The following ARHGAP24 variants were observed in gnomAD, a reference collection of about 807,000 sequenced individuals.
ARHGAP24 encodes the protein Rho GTPase activating protein 24, also known as rho GTPase-activating protein 24.
ARHGAP24 carries 50 observed loss-of-function variants against 76.4 expected under a neutral mutation model. The observed-to-expected ratio is 0.65, with a 90% CI of 0.52 to 0.83. The LOEUF (loss-of-function observed/expected upper bound fraction) is 0.83, where lower values mean the gene tolerates loss of function less well. Among genes scored for constraint, ARHGAP24 ranks in the 40% least tolerant of loss-of-function variants. The pLI is 0.00. For synonymous variants in ARHGAP24, 345 were observed against 323.3 expected (o/e 1.07, Z -0.72); for missense variants, 930 against 914.2 (o/e 1.02, Z -0.22).
At chr4:85,997,650 A>AT (rs1406294653) in intron 9 of ARHGAP24, among the ~76,000 whole-genome samples, 21 of 84,622 alleles carry the variant, frequency 2.5e-4, no homozygotes, top group Middle Eastern at 6.0e-3. Flanking sequence ...TTCTTTTCTT[A>AT]TTTTTTTTTA....
chr4:85,629,273 AT>A (rs925619163), intron 2 of ARHGAP24, among the ~76,000 whole-genome samples: 1 of 152,168 alleles, frequency 6.6e-6, no homozygotes, highest in Non-Finnish European at 1.5e-5. Flanking sequence ...GTAGCATGTT[AT>A]TGGCATCACA....
chr4:85,532,491 A>G (rs905950042), intron 1 of ARHGAP24, among the ~76,000 whole-genome samples: 2 of 152,182 alleles, frequency 1.3e-5, no homozygotes, highest in South Asian at 2.1e-4. Context: ...TAAAGAGTAC[A>G]TGGTACAATT....
chr4:85,878,922 G>C (rs534994633), intron 3 of ARHGAP24, among the ~76,000 whole-genome samples: 1 of 152,148 alleles, frequency 6.6e-6, no homozygotes, highest in Non-Finnish European at 1.5e-5. Flanking sequence ...TGAAAGCTTT[G>C]AAGGAATTGT....
chr4:85,586,665 T>C (rs943961164), intron 2 of ARHGAP24, among the ~76,000 whole-genome samples: 1 of 152,070 alleles, frequency 6.6e-6, no homozygotes, highest in Non-Finnish European at 1.5e-5. Flanking sequence ...TTTGGAAGGC[T>C]GAGGCGGGTG....
chr4:85,611,736 C>A (rs940561931), intron 2 of ARHGAP24, among the ~76,000 whole-genome samples: 1 of 152,128 alleles, frequency 6.6e-6, no homozygotes, highest in East Asian at 1.9e-4. Flanking sequence ...TTAAGATGAT[C>A]CTTTGAGTCT....
intron 1 of ARHGAP24, among the ~76,000 whole-genome samples, chr4:85,545,397 G>T (rs1180241397): frequency 6.6e-6 from 1 of 152,104 alleles, no homozygotes; most frequent in African/African-American, 2.4e-5. Context: ...ACCACACCTG[G>T]CCCAGTTTCC....
intron 8 of ARHGAP24, chr4:85,992,260 A>G (rs1228221177): frequency 5.1e-6 from 2 of 395,330 alleles, no homozygotes; most frequent in East Asian, 3.6e-5. Context: ...GTCCTAAACA[A>G]CTATAAAAAT....
intron 3 of ARHGAP24, among the ~76,000 whole-genome samples, chr4:85,881,620 G>T (rs566359707): frequency 3.2e-5 from 4 of 125,840 alleles, no homozygotes; most frequent in African/African-American, 1.2e-4. Flanking sequence ...CTTTCAAATT[G>T]TGAAGCATAT....
At chr4:85,860,173 T>C (rs749129257) in intron 3 of ARHGAP24, among the ~76,000 whole-genome samples, 10 of 152,082 alleles carry the variant, frequency 6.6e-5, no homozygotes, top group Non-Finnish European at 5.9e-5. Flanking sequence ...AAGCTTATAT[T>C]TAGAATGAAT....
intron 3 of ARHGAP24, among the ~76,000 whole-genome samples, chr4:85,748,534 T>G (rs987373069): frequency 6.6e-6 from 1 of 152,190 alleles, no homozygotes; most frequent in Non-Finnish European, 1.5e-5. Context: ...AAAGAATATA[T>G]GATCCAGACA....
At chr4:85,704,551 A>G (rs1724224733) in intron 2 of ARHGAP24, among the ~76,000 whole-genome samples, 1 of 152,178 alleles carries the variant, frequency 6.6e-6, no homozygotes, top group Non-Finnish European at 1.5e-5. Context: ...TGAAGTACTG[A>G]ATGTATTTTC....
intron 1 of ARHGAP24, among the ~76,000 whole-genome samples, chr4:85,501,597 G>T (rs1723819131): frequency 6.6e-6 from 1 of 152,054 alleles, no homozygotes; most frequent in Non-Finnish European, 1.5e-5. Context: ...ATTTGTTTAA[G>T]TTCTTTGTAG....
intron 1 of ARHGAP24, among the ~76,000 whole-genome samples, chr4:85,532,202 A>G (rs1176755121): frequency 6.6e-6 from 1 of 152,054 alleles, no homozygotes; most frequent in African/African-American, 2.4e-5. Flanking sequence ...AGGACATTTC[A>G]TTTGTTCCTG....
chr4:85,586,446 G>C (rs1445515631), intron 2 of ARHGAP24, among the ~76,000 whole-genome samples: 2 of 152,148 alleles, frequency 1.3e-5, no homozygotes, highest in Non-Finnish European at 2.9e-5. Context: ...AAGAGACTCA[G>C]ATATTCAATC....
chr4:85,686,271 A>G (rs1248856975), intron 2 of ARHGAP24, among the ~76,000 whole-genome samples: 2 of 152,216 alleles, frequency 1.3e-5, no homozygotes, highest in African/African-American at 4.8e-5. Flanking sequence ...ATGATACTAT[A>G]AGGAATAATG....
intron 3 of ARHGAP24, among the ~76,000 whole-genome samples, chr4:85,763,035 G>A (rs540685653): frequency 2.0e-5 from 3 of 152,074 alleles, no homozygotes; most frequent in African/African-American, 4.8e-5. Context: ...ATTTTTAAAA[G>A]CACCATTTTA....
At chr4:85,905,475 C>T (rs1734724642) in intron 3 of ARHGAP24, among the ~76,000 whole-genome samples, 1 of 152,132 alleles carries the variant, frequency 6.6e-6, no homozygotes, top group Non-Finnish European at 1.5e-5. Flanking sequence ...ATGTTTCTTC[C>T]TTCGTTCATC....
intron 3 of ARHGAP24, among the ~76,000 whole-genome samples, chr4:85,904,377 A>G (rs1031163171): frequency 6.6e-6 from 1 of 152,178 alleles, no homozygotes; most frequent in African/African-American, 2.4e-5. Flanking sequence ...AGAACTCACT[A>G]TCATGGAAAC....
chr4:85,620,965 T>G (rs970961478), intron 2 of ARHGAP24, among the ~76,000 whole-genome samples: 106 of 152,180 alleles, frequency 7.0e-4, no homozygotes, highest in African/African-American at 2.5e-3. Context: ...TAGTATCTAT[T>G]GTTTTCATCT....
Sources: allele counts gnomAD v4.1 joint callset (sites outside exome capture counted in the v4.1 genomes callset), GRCh38; gene constraint gnomAD v4.1.1; transcripts MANE v1.5; gene names NCBI Gene and HGNC (gene_info 2026-07-23, HGNC 2026-07-21).